NAA25: variants seen among roughly 807,000 people sequenced by gnomAD.
NAA25 encodes N-alpha-acetyltransferase 25, NatB auxiliary subunit, also known as N-terminal acetyltransferase B complex subunit NAA25.
Under a neutral mutation model 132.5 loss-of-function variants are expected in NAA25, and 30 were observed. The observed-to-expected ratio is 0.23, with a 90% CI of 0.17 to 0.31. The LOEUF is 0.31. NAA25 is among the 10% of genes least tolerant of loss of function. The probability of loss-of-function intolerance (pLI) is 1.00; values close to 1 mark genes in which losing one functional copy is unlikely to be tolerated. For synonymous variants in NAA25, 359 were observed against 401.9 expected (o/e 0.89, Z 1.28); for missense variants, 771 against 1,150.4 (o/e 0.67, Z 4.77).
At chr12:112,085,931 C>A (rs867368500) in intron 4 of NAA25, among the ~76,000 whole-genome samples, 10 of 133,476 alleles carry the variant, frequency 7.5e-5, no homozygotes, top group African/African-American at 2.6e-4. Flanking sequence ...GCAGAAGAAT[C>A]GCTTGAACCC....
At chr12:112,073,100 G>T (rs1393187032) in intron 9 of NAA25, among the ~76,000 whole-genome samples, 1 of 151,944 alleles carries the variant, frequency 6.6e-6, no homozygotes, top group Non-Finnish European at 1.5e-5. Context: ...CAGGCGTGGT[G>T]GCTCATGCCT....
chr12:112,091,317 C>A (rs958419634), intron 2 of NAA25, among the ~76,000 whole-genome samples: 1 of 151,520 alleles, frequency 6.6e-6, no homozygotes, highest in East Asian at 1.9e-4. Flanking sequence ...GAGACTAAGG[C>A]AGGAGGATCA....
At chr12:112,084,922 C>A (rs916890628) in intron 4 of NAA25, among the ~76,000 whole-genome samples, 4 of 151,382 alleles carry the variant, frequency 2.6e-5, no homozygotes, top group Non-Finnish European at 5.9e-5. Context: ...CATGGTGAAA[C>A]CCCATCTCTA....
intron 5 of NAA25, among the ~76,000 whole-genome samples, chr12:112,079,415 G>A (rs972061115): frequency 5.3e-5 from 8 of 151,874 alleles, no homozygotes; most frequent in African/African-American, 1.5e-4. Flanking sequence ...CAAAACCCCC[G>A]TCTCTACTGA....
Position 112,086,073 on chromosome 12 carries a change from T to TAC in NAA25, c.402+1608_402+1609dup, listed in dbSNP as rs1555238727. ...AAAAATATATATATATATATATATA[T>TAC]ACACACACACACACACACACACACA... On this transcript the variant is annotated intron_variant, in intron 4 of 23. Coordinates refer to ENST00000261745, the MANE Select transcript of NAA25 (RefSeq NM_024953.4). Among the ~76,000 whole-genome samples, 359 of 53,904 alleles carry TAC rather than the reference T, an allele frequency of 6.7e-3. 7 individuals carry two copies. The highest frequency in any genetic ancestry group is 0.023 in the East Asian group (10 of 434). The allele number at this position is 53,904 out of a possible 152,430, so 35.4% of individuals were successfully genotyped here. A position where few individuals can be genotyped will look rare whatever the true frequency, so the allele number is the denominator to read the frequency against.
chr12:112,036,593 A>G (rs907535288), intron 22 of NAA25, among the ~76,000 whole-genome samples: 3 of 152,050 alleles, frequency 2.0e-5, no homozygotes, highest in Non-Finnish European at 2.9e-5. Context: ...TCATGCCTGT[A>G]ATCCCAGCAC....
intron 13 of NAA25, among the ~76,000 whole-genome samples, chr12:112,059,396 C>A (rs2078593292): frequency 6.6e-6 from 1 of 152,096 alleles, no homozygotes; most frequent in African/African-American, 2.4e-5. Flanking sequence ...GAATAATATG[C>A]CATAAGCACC....
Position 112,048,446 on chromosome 12 carries a change from G to A in NAA25, c.1729-3C>T, listed in dbSNP as rs1375548318. 6.2e-7 allele frequency: 1 copy of A among 1,612,854 alleles called. No individual in the cohort carries two copies. The highest frequency in any genetic ancestry group is 1.3e-5 in the African/African-American group (1 of 74,894). On this transcript the variant is annotated splice_region_variant and splice_polypyrimidine_tract_variant and intron_variant, in intron 15 of 23. Transcript: ENST00000261745. ...GCTTGAATAATATATTCTGAGGTCT[G>A]AGAAGGAAAGACATCACCTTGGTAT...
At chr12:112,063,478 C>A (rs1165847615) in intron 11 of NAA25, among the ~76,000 whole-genome samples, 1 of 152,142 alleles carries the variant, frequency 6.6e-6, no homozygotes, top group Non-Finnish European at 1.5e-5. Flanking sequence ...GTAAAATTTG[C>A]TTATTCAGTG....
At chr12:112,045,599 A>G (rs1481740010) in intron 17 of NAA25, among the ~76,000 whole-genome samples, 1 of 152,128 alleles carries the variant, frequency 6.6e-6, no homozygotes, top group Admixed American at 6.5e-5. Context: ...GTTTGAGATC[A>G]GCCTGGCCAA....
chr12:112,045,132 T>G (rs2078359646), intron 17 of NAA25, among the ~76,000 whole-genome samples: 1 of 152,182 alleles, frequency 6.6e-6, no homozygotes, highest in Non-Finnish European at 1.5e-5. Context: ...ATACTCACAG[T>G]ATTATCAAGT....
intron 4 of NAA25, among the ~76,000 whole-genome samples, chr12:112,082,818 T>C (rs1408060375): frequency 6.6e-6 from 1 of 151,812 alleles, no homozygotes; most frequent in Non-Finnish European, 1.5e-5. Context: ...GTGGTAACGA[T>C]ACATATAAAA....
At chr12:112,077,474 A>G (rs2078910413) in intron 7 of NAA25, among the ~76,000 whole-genome samples, 1 of 148,434 alleles carries the variant, frequency 6.7e-6, no homozygotes, top group Non-Finnish European at 1.5e-5. Flanking sequence ...TCTGTCTCCA[A>G]AAAAAAAAAG....
rs931997154 is a variant in NAA25, at chr12:112,056,652, T to C, written c.1448-2084A>G. On this transcript the variant is annotated intron_variant, in intron 13 of 23. Coordinates refer to ENST00000261745, the MANE Select transcript of NAA25 (RefSeq NM_024953.4). Reference sequence around the variant, plus strand: ...AATCTCTTTAAATGCCCTCATCAACTTTCTATTGATTTCTAAGTTCTGCCA... The same window carrying C: ...AATCTCTTTAAATGCCCTCATCAACCTTCTATTGATTTCTAAGTTCTGCCA... 6.6e-5 allele frequency among the ~76,000 whole-genome samples: 10 copies of C among 152,208 alleles called. 1 individual carries two copies. The highest frequency in any genetic ancestry group is 2.4e-4 in the African/African-American group (10 of 41,454).
intron 22 of NAA25, among the ~76,000 whole-genome samples, chr12:112,036,294 G>A (rs1207458327): frequency 6.6e-6 from 1 of 152,114 alleles, no homozygotes; most frequent in East Asian, 1.9e-4. Flanking sequence ...TCACTGGAAC[G>A]TATTCTAAGG....
At chr12:112,057,146 C>CCAATGCACTCCAGCCCTGGCAA (rs2078558618) in intron 13 of NAA25, among the ~76,000 whole-genome samples, 1 of 151,968 alleles carries the variant, frequency 6.6e-6, no homozygotes, top group African/African-American at 2.4e-5. Context: ...CAAGATCGCA[C>CCAATGCACTCCAGCCCTGGCAA]CAATGCACTC....
At position 112,028,186 on chromosome 12, in the gene NAA25, T is replaced by A. The variant is rs1565992373; in HGVS notation, c.*1345A>T. 1 of 152,210 alleles carries A rather than the reference T, an allele frequency of 6.6e-6. No homozygotes were observed. The highest frequency in any genetic ancestry group is 1.5e-5 in the Non-Finnish European group (1 of 68,026). The allele number at this position is 152,210 out of a possible 1,614,324, so 9.4% of individuals were successfully genotyped here. On this transcript the variant is annotated 3_prime_UTR_variant, in exon 24 of 24. Coordinates refer to ENST00000261745, the MANE Select transcript of NAA25 (RefSeq NM_024953.4). ...TGCAGGTTGGAAAGCACCTTTAAGG[T>A]CTTCAAGACCAATCCTCCATTGGAT...
intron 7 of NAA25, 31 bp downstream of exon 7, chr12:112,078,157 A>C (rs769995442): frequency 6.8e-7 from 1 of 1,479,250 alleles, no homozygotes; most frequent in African/African-American, 1.4e-5. Flanking sequence ...TAGGAAAAAA[A>C]AAAAGCTTTA....
At chr12:112,087,877 C>A in intron 3 of NAA25, 76 bp from the exon 4 acceptor site, 3 of 933,072 alleles carry the variant, frequency 3.2e-6, no homozygotes, top group Non-Finnish European at 5.2e-6. Context: ...TCCTATTTGG[C>A]AGAAATAGAT....
Sources: gnomAD v4.1 joint callset for allele counts (sites outside exome capture counted in the v4.1 genomes callset) on GRCh38, gnomAD v4.1.1 for gene constraint, MANE v1.5 for transcripts, NCBI Gene and HGNC (gene_info 2026-07-23, HGNC 2026-07-21) for gene names.